Variants in ACER2 observed in about 807,000 individuals in gnomAD.
The protein encoded by ACER2 is alkCDase 2.
In ACER2, 26 loss-of-function variants were observed where a neutral mutation model predicts 34.7. The observed-to-expected ratio is 0.75, with a 90% confidence interval of 0.55 to 1.04. The LOEUF (loss-of-function observed/expected upper bound fraction) is 1.04. ACER2 is among the 50% of genes least tolerant of loss of function. The pLI is 0.00. For missense variants in ACER2, 352 were observed against 340.8 expected (o/e 1.03, Z -0.26); for synonymous variants, 138 against 132.1 (o/e 1.04, Z -0.31).
intron 1 of ACER2, among the ~76,000 whole-genome samples, chr9:19,418,883 C>A (rs1830319402): frequency 6.6e-6 from 1 of 152,124 alleles, no homozygotes; most frequent in South Asian, 2.1e-4. Flanking sequence ...TTGATCATAA[C>A]AATGAATAAA....
intron 3 of ACER2, among the ~76,000 whole-genome samples, chr9:19,431,114 T>C (rs1364056229): frequency 1.3e-5 from 2 of 152,060 alleles, no homozygotes; most frequent in East Asian, 3.9e-4. Flanking sequence ...TCCCTGAGAG[T>C]ATGATATCAA....
In ACER2 at chr9:19,446,075, T is replaced by C. The variant is rs1831348134; in HGVS notation, c.504-206T>C. ...TGAGTCTGGAGTCAGGAGAGAAGCC[T>C]GGGTGGGAAGGGTGTCTGTGAGCCA... On this transcript the variant is annotated intron_variant, in intron 4 of 5. Transcript: ENST00000340967. The C allele has an allele frequency of 3.8e-6, 3 of 796,596 alleles. No homozygotes were observed. The East Asian group carries it at 7.5e-5, about 20-fold the overall frequency. The allele number at this position is 796,596 out of a possible 1,614,324, so 49.3% of individuals were successfully genotyped here.
intron 1 of ACER2, among the ~76,000 whole-genome samples, chr9:19,422,498 G>A (rs1830436902): frequency 1.3e-5 from 2 of 151,988 alleles, no homozygotes; most frequent in African/African-American, 4.8e-5. Flanking sequence ...TTTTAAAGCT[G>A]GGAAGAAACT....
Position 19,443,129 on chromosome 9 carries a change from C to T in ACER2, c.504-3152C>T, listed in dbSNP as rs951019577. Reference sequence around the variant, plus strand: ...CACTGCAAGCTCCGCCTCCCGGGTTCGCGCCATTCTCCTGCTTCAGTCTCC... The same window carrying T: ...CACTGCAAGCTCCGCCTCCCGGGTTTGCGCCATTCTCCTGCTTCAGTCTCC... On this transcript the variant is annotated intron_variant, in intron 4 of 5. Coordinates refer to ENST00000340967, the MANE Select transcript of ACER2 (RefSeq NM_001010887.3). Among the ~76,000 whole-genome samples, 5 of 152,320 alleles carry T rather than the reference C, an allele frequency of 3.3e-5. No individual in the cohort carries two copies. The East Asian group carries it at 7.7e-4, about 23-fold the overall frequency.
At chr9:19,433,823 G>A (rs1390229920) in intron 3 of ACER2, among the ~76,000 whole-genome samples, 28 of 151,840 alleles carry the variant, frequency 1.8e-4, no homozygotes, top group Admixed American at 8.5e-4. Context: ...GCGGCTGGCC[G>A]GGCAGAGGGG....
chr9:19,446,537 C>G, intron 5 of ACER2, 119 bp downstream of exon 5: 1 of 1,546,040 alleles, frequency 6.5e-7, no homozygotes, highest in Non-Finnish European at 8.7e-7. Flanking sequence ...TGCTTCTCTC[C>G]TCAGGTGGAC....
At chr9:19,433,062 C>T (rs1001602811) in intron 3 of ACER2, among the ~76,000 whole-genome samples, 1 of 151,550 alleles carries the variant, frequency 6.6e-6, no homozygotes, top group Non-Finnish European at 1.5e-5. Flanking sequence ...TTACCATTCT[C>T]ATGGCCAAAT....
intron 3 of ACER2, among the ~76,000 whole-genome samples, chr9:19,433,149 CTTTTTTTT>C (rs57915019): frequency 2.8e-4 from 17 of 61,364 alleles, no homozygotes; most frequent in South Asian, 8.9e-4. Flanking sequence ...GTGTGAGTGG[CTTTTTTTT>C]TTTTTTTTTT....
Position 19,423,952 on chromosome 9 carries a change from A to T in ACER2, c.199A>T (p.Ile67Phe). The T allele has an allele frequency of 6.2e-7, 1 of 1,613,898 alleles. No homozygotes were observed. Among genetic ancestry groups the T allele is most frequent in the East Asian group, 2.2e-5 (1 of 44,880 alleles). The change falls in exon 2 of 6, where the codon ATC becomes TTC. Residue 67 changes from isoleucine to phenylalanine, a missense_variant. By Grantham distance (21) the Ile-to-Phe change is conservative (BLOSUM62 0). Transcript: ENST00000340967. ...ATCFNSGIYL[I>F]WTLLVVVGIG... ...ATGCTTCAACAGTGGCATCTACTTA[A>T]TCTGGACTCTTTTGGTTGTAGTGGG...
intron 4 of ACER2, among the ~76,000 whole-genome samples, chr9:19,441,087 A>G (rs1374177686): frequency 7.1e-6 from 1 of 140,592 alleles, no homozygotes; most frequent in Non-Finnish European, 1.5e-5. Context: ...CTACTGTGTC[A>G]CCCAGGCTGG....
intron 4 of ACER2, among the ~76,000 whole-genome samples, chr9:19,438,258 T>G (rs1440665833): frequency 6.6e-6 from 1 of 152,222 alleles, no homozygotes; most frequent in Admixed American, 6.5e-5. Context: ...AGATATTTAG[T>G]CTAGTATCTG....
At chr9:19,420,836 G>A (rs954526301) in intron 1 of ACER2, among the ~76,000 whole-genome samples, 1 of 152,098 alleles carries the variant, frequency 6.6e-6, no homozygotes, top group African/African-American at 2.4e-5. Context: ...TCACATGGTG[G>A]GAAGGGTGAA....
intron 1 of ACER2, among the ~76,000 whole-genome samples, chr9:19,419,067 T>C (rs1830325031): frequency 6.6e-6 from 1 of 152,066 alleles, no homozygotes; most frequent in African/African-American, 2.4e-5. Flanking sequence ...GGCTCATGCC[T>C]GTAATCCCAG....
At position 19,435,063 on chromosome 9, in the gene ACER2, T is replaced by A; in HGVS notation, c.482T>A (p.Leu161Gln). 1 of 1,614,200 alleles carries A rather than the reference T, an allele frequency of 6.2e-7. No homozygotes were observed. Among genetic ancestry groups the A allele is most frequent in the Non-Finnish European group, 8.5e-7 (1 of 1,180,024 alleles). Residue 161 changes from leucine to glutamine, a missense_variant, in exon 4 of 6, where the codon CTG (leucine) becomes CAG (glutamine). Transcript: ENST00000340967. Reference protein sequence around the residue: ...LMTLGVPCTALLIAELKRCDN... With the variant: ...LMTLGVPCTAQLIAELKRCDN... ...ACCCTGGGAGTTCCTTGCACTGCAC[T>A]GCTCATCGCAGAGCTAAAGAGGTAG... is the stretch of plus-strand genomic sequence containing the variant.
At chr9:19,423,545 A>G (rs1050979586) in intron 1 of ACER2, among the ~76,000 whole-genome samples, 1 of 152,128 alleles carries the variant, frequency 6.6e-6, no homozygotes, top group Admixed American at 6.5e-5. Context: ...TACTAAAAAT[A>G]CAAAGATGAG....
chr9:19,413,089 G>A (rs924041915), intron 1 of ACER2, among the ~76,000 whole-genome samples: 8 of 152,182 alleles, frequency 5.3e-5, no homozygotes, highest in African/African-American at 1.7e-4. Flanking sequence ...GCACTGATTT[G>A]ACTTCCACTG....
chr9:19,449,333 C>G (rs1356642803), intron 5 of ACER2, among the ~76,000 whole-genome samples: 4 of 152,224 alleles, frequency 2.6e-5, no homozygotes, highest in Non-Finnish European at 4.4e-5. Context: ...TCATACCATT[C>G]TCACCTACTT....
At chr9:19,436,882 G>C (rs1235965521) in intron 4 of ACER2, among the ~76,000 whole-genome samples, 5 of 152,078 alleles carry the variant, frequency 3.3e-5, no homozygotes, top group African/African-American at 9.7e-5. Flanking sequence ...AAATAGAATA[G>C]CTTGTTTTCA....
chr9:19,450,398 GCAGCGGA>G, intron 5 of ACER2, 45 bp from the exon 6 acceptor site: 2 of 1,500,626 alleles, frequency 1.3e-6, no homozygotes, highest in South Asian at 1.4e-5. Flanking sequence ...TAAACTCAGG[GCAGCGGA>G]GTCTTCATGC....
Sources: gnomAD v4.1 joint callset for allele counts (sites outside exome capture counted in the v4.1 genomes callset) on GRCh38, gnomAD v4.1.1 for gene constraint, MANE v1.5 for transcripts, NCBI Gene and HGNC (gene_info 2026-07-23, HGNC 2026-07-21) for gene names.